STT3B: variants seen among roughly 807,000 people sequenced by gnomAD.
STT3B encodes dolichyl-diphosphooligosaccharide--protein glycosyltransferase subunit STT3B.
A neutral mutation model predicts 96.8 loss-of-function variants in STT3B; 29 were observed. The ratio of observed to expected loss-of-function variants is 0.30; its 90% CI spans 0.22 to 0.41. STT3B has a LOEUF of 0.41. STT3B is among the 10% of genes least tolerant of loss of function. The probability of loss-of-function intolerance (pLI) is 1.00; values close to 1 mark genes in which losing one functional copy is unlikely to be tolerated. For missense variants in STT3B, 640 were observed against 1,022.3 expected (o/e 0.63, Z 5.10); for synonymous variants, 367 against 360.0 (o/e 1.02, Z -0.22).
chr3:31,579,477 TAAAAAAAAAAAAA>T lies in STT3B; in HGVS notation c.424-317_424-305del, dbSNP rs1173591549. Among the ~76,000 whole-genome samples the T allele has an allele frequency of 4.4e-3, 298 of 67,456 alleles. 5 individuals are homozygous for T. Among genetic ancestry groups the T allele is most frequent in the African/African-American group, 0.015 (275 of 17,864 alleles). The allele number at this position is 67,456 out of a possible 152,430, so 44.3% of individuals were successfully genotyped here. ...AAGCTAGACTAAGACCCTGTTTTGA[TAAAAAAAAAAAAA>T]AAAAAAAAAAAAAAGTTAGTGGGAT... On this transcript the variant is annotated intron_variant, in intron 2 of 15. Transcript: ENST00000295770.
intron 3 of STT3B, among the ~76,000 whole-genome samples, chr3:31,591,632 C>T (rs993339512): frequency 1.3e-5 from 2 of 152,006 alleles, no homozygotes; most frequent in Non-Finnish European, 2.9e-5. Flanking sequence ...AGCTTTGCTC[C>T]AACACAGCCT....
Position 31,572,015 on chromosome 3 carries a change from C to CATATTAATATATATTAATATATCAT in STT3B, c.315-4359_315-4358insCATATATTAATATATATTAATATAT, listed in dbSNP as rs1203144050. 3.0e-3 allele frequency among the ~76,000 whole-genome samples: 402 copies of CATATTAATATATATTAATATATCAT among 131,900 alleles called. 2 individuals are homozygous for CATATTAATATATATTAATATATCAT. The highest frequency in any genetic ancestry group is 0.011 in the African/African-American group (350 of 32,786). 86.5% of individuals were successfully genotyped at this position (131,900 alleles called of 152,430 possible). On this transcript the variant is annotated intron_variant, in intron 1 of 15. Transcript: ENST00000295770. Reference sequence around the variant, plus strand: ...ATTAATACATAATTATTTTATTAAACATATTAATATATATTAATATATGAT... The same window carrying CATATTAATATATATTAATATATCAT: ...ATTAATACATAATTATTTTATTAAACATATTAATATATATTAATATATCATATATTAATATATATTAATATATGAT...
At chr3:31,598,051 G>C (rs1447934663) in intron 4 of STT3B, among the ~76,000 whole-genome samples, 1 of 151,840 alleles carries the variant, frequency 6.6e-6, no homozygotes, top group Admixed American at 6.6e-5. Context: ...GATCAGACTG[G>C]TCTCAAACTC....
chr3:31,584,158 C>T (rs1452084623), intron 3 of STT3B, among the ~76,000 whole-genome samples: 2 of 152,164 alleles, frequency 1.3e-5, no homozygotes, highest in Non-Finnish European at 2.9e-5. Flanking sequence ...CTTATCTTAG[C>T]ACTGTTAAAG....
chr3:31,574,522 T>A (rs1698223337), intron 1 of STT3B, among the ~76,000 whole-genome samples: 1 of 152,158 alleles, frequency 6.6e-6, no homozygotes, highest in Non-Finnish European at 1.5e-5. Flanking sequence ...AATCCTCGCT[T>A]TGTAAATACA....
chr3:31,584,496 A>C (rs1698491973), intron 3 of STT3B, among the ~76,000 whole-genome samples: 1 of 152,176 alleles, frequency 6.6e-6, no homozygotes, highest in Non-Finnish European at 1.5e-5. Context: ...TTAATTCAAC[A>C]GAAATTTTTG....
chr3:31,550,816 T>A (rs1230983718), intron 1 of STT3B, among the ~76,000 whole-genome samples: 1 of 152,104 alleles, frequency 6.6e-6, no homozygotes, highest in Admixed American at 6.5e-5. Flanking sequence ...TTTCCATGTG[T>A]TACTTTTAAT....
intron 1 of STT3B, among the ~76,000 whole-genome samples, chr3:31,553,124 A>G (rs918208812): frequency 2.6e-5 from 4 of 151,932 alleles, no homozygotes; most frequent in Non-Finnish European, 5.9e-5. Context: ...AAAAAACCAA[A>G]TAAAACTTGA....
At chr3:31,568,837 C>G (rs539219352) in intron 1 of STT3B, among the ~76,000 whole-genome samples, 2 of 152,220 alleles carry the variant, frequency 1.3e-5, no homozygotes, top group African/African-American at 4.8e-5. Context: ...AAGGAAAATG[C>G]AAAGGCAGCT....
intron 11 of STT3B, among the ~76,000 whole-genome samples, chr3:31,624,222 G>A (rs1000327364): frequency 1.3e-5 from 2 of 151,892 alleles, no homozygotes; most frequent in African/African-American, 2.4e-5. Context: ...AACCATCCCC[G>A]TGCACTCTCC....
chr3:31,600,201 G>A (rs79376706), intron 4 of STT3B, among the ~76,000 whole-genome samples, 159 bp from the exon 5 acceptor site: 1,558 of 152,132 alleles, frequency 0.01, 34 homozygotes, highest in African/African-American at 0.035. Flanking sequence ...TAAAAATGAG[G>A]AATACGTTCT....
intron 1 of STT3B, among the ~76,000 whole-genome samples, chr3:31,542,619 T>C (rs1697308292): frequency 6.6e-6 from 1 of 152,196 alleles, no homozygotes; most frequent in South Asian, 2.1e-4. Flanking sequence ...CAAAATCCCA[T>C]GTGTACCTGC....
intron 1 of STT3B, among the ~76,000 whole-genome samples, chr3:31,565,191 G>C (rs1697974215): frequency 6.6e-6 from 1 of 152,078 alleles, no homozygotes; most frequent in Admixed American, 6.5e-5. Flanking sequence ...AGAAATTCCT[G>C]TTTCTTGTTT....
intron 5 of STT3B, among the ~76,000 whole-genome samples, chr3:31,606,204 G>C (rs1215028887): frequency 1.3e-5 from 2 of 152,192 alleles, no homozygotes; most frequent in Non-Finnish European, 2.9e-5. Context: ...TTTGCAGCCT[G>C]ACAATGCAAT....
chr3:31,604,764 G>C (rs910699682), intron 5 of STT3B, among the ~76,000 whole-genome samples: 1 of 152,144 alleles, frequency 6.6e-6, no homozygotes, highest in African/African-American at 2.4e-5. Context: ...ATCTTGAGAA[G>C]AGAGAATAGT....
Position 31,579,831 on chromosome 3 carries a change from C to A in STT3B, c.446C>A (p.Thr149Asn), listed in dbSNP as rs767080550. The change falls in exon 3 of 16, where the codon ACC (threonine) becomes AAC (asparagine). Residue 149 changes from threonine to asparagine, a missense_variant. By Grantham distance (65) the Thr-to-Asn change is moderately conservative. Coordinates refer to ENST00000295770, the MANE Select transcript of STT3B (RefSeq NM_178862.3). Reference sequence around the variant, plus strand: ...TAGGTTTACCCAGGGTTGATGATAACCGCTGGCCTTATTCATTGGATTTTA... The same window carrying A: ...TAGGTTTACCCAGGGTTGATGATAAACGCTGGCCTTATTCATTGGATTTTA... ...GGTVYPGLMI[T>N]AGLIHWILNT... The A allele has an allele frequency of 6.2e-7, 1 of 1,613,308 alleles. No individual in the cohort carries two copies. Among genetic ancestry groups the A allele is most frequent in the Non-Finnish European group, 8.5e-7 (1 of 1,179,470 alleles).
At position 31,592,386 on chromosome 3, in the gene STT3B, A is replaced by C. The variant is rs528166427; in HGVS notation, c.712-4412A>C. On this transcript the variant is annotated intron_variant, in intron 3 of 15. Transcript: ENST00000295770. Reference sequence around the variant, plus strand: ...AGCTGGACACTTTTATGGTCTAGCTACTTTGAAAGTGGTTATACAAATCTC... The same window carrying C: ...AGCTGGACACTTTTATGGTCTAGCTCCTTTGAAAGTGGTTATACAAATCTC... Among the ~76,000 whole-genome samples the C allele has an allele frequency of 2.6e-4, 39 of 152,106 alleles. No individual in the cohort carries two copies. The South Asian group carries it at 5.8e-3, about 23-fold the overall frequency.
chr3:31,577,638 A>G (rs929606213), intron 2 of STT3B, among the ~76,000 whole-genome samples: 1 of 152,152 alleles, frequency 6.6e-6, no homozygotes, highest in Admixed American at 6.6e-5. Context: ...TAGAAAGAAC[A>G]TGTTCTCCAT....
At position 31,533,366 on chromosome 3, in the gene STT3B, G is replaced by C. The variant is rs1383472882; in HGVS notation, c.314+54G>C. 3 of 1,396,528 alleles carry C rather than the reference G, an allele frequency of 2.1e-6. No homozygotes were observed. In the African/African-American group the frequency reaches 4.5e-5, roughly 21 times the overall value. 86.5% of individuals were successfully genotyped at this position (1,396,528 alleles called of 1,614,324 possible). A position where few individuals can be genotyped will look rare whatever the true frequency, so the allele number is the denominator to read the frequency against. The stretch of plus-strand genomic sequence containing the variant: ...CGTGGCCCGCGGGGAACCGGGACCC[G>C]CTCCTCCGCCCGCCGCAGCTCTCCT... On this transcript the variant is annotated intron_variant, in intron 1 of 15. Transcript: ENST00000295770.
Sources: allele counts gnomAD v4.1 joint callset (sites outside exome capture counted in the v4.1 genomes callset), GRCh38; gene constraint gnomAD v4.1.1; transcripts MANE v1.5; gene names NCBI Gene and HGNC (gene_info 2026-07-23, HGNC 2026-07-21).